CTNNA2: variants seen among roughly 807,000 people sequenced by gnomAD.
CTNNA2 encodes catenin alpha 2.
In CTNNA2, 42 loss-of-function variants were observed where a neutral mutation model predicts 101.0. The observed-to-expected ratio is 0.42, with a 90% CI of 0.32 to 0.54. CTNNA2 has a LOEUF of 0.54. Among genes scored for constraint, CTNNA2 ranks in the 20% least tolerant of loss-of-function variants. CTNNA2 has a pLI of 0.14. For synonymous variants in CTNNA2, 450 were observed against 456.4 expected (o/e 0.99, Z 0.18); for missense variants, 871 against 1,223.1 (o/e 0.71, Z 4.29).
chr2:80,640,229 C>G (rs1673321565), intron 18 of CTNNA2, among the ~76,000 whole-genome samples: 1 of 152,154 alleles, frequency 6.6e-6, no homozygotes, highest in South Asian at 2.1e-4. Context: ...TAAACAGAAT[C>G]AAGTTTTTTT....
chr2:80,483,399 T>C (rs1686302588), intron 9 of CTNNA2, among the ~76,000 whole-genome samples: 1 of 149,532 alleles, frequency 6.7e-6, no homozygotes, highest in Admixed American at 6.7e-5. Context: ...TACATATGTA[T>C]ATATTTAATA....
At chr2:79,882,339 C>T (rs535992075) in intron 6 of CTNNA2, among the ~76,000 whole-genome samples, 3 of 152,298 alleles carry the variant, frequency 2.0e-5, no homozygotes, top group Admixed American at 1.3e-4. Flanking sequence ...ACCACAGACA[C>T]TGTGGCCACC....
chr2:79,253,556 C>G (rs1393783328), intron 2 of CTNNA2, among the ~76,000 whole-genome samples: 1 of 152,100 alleles, frequency 6.6e-6, no homozygotes, highest in Non-Finnish European at 1.5e-5. Flanking sequence ...TGCCAGGAAC[C>G]CCAAATCGGT....
intron 1 of CTNNA2, among the ~76,000 whole-genome samples, chr2:79,637,997 C>G (rs1680192480): frequency 6.6e-6 from 1 of 152,182 alleles, no homozygotes; most frequent in African/African-American, 2.4e-5. Context: ...TGTGTTAGTG[C>G]CTTCCTCCAT....
intron 3 of CTNNA2, among the ~76,000 whole-genome samples, chr2:79,320,260 ATTTTTTTT>A: frequency 8.3e-6 from 1 of 119,782 alleles, no homozygotes; most frequent in African/African-American, 3.2e-5. Flanking sequence ...TTACGTTTCA[ATTTTTTTT>A]TTTTTTTTTT....
chr2:79,284,696 A>C (rs1675507932), intron 2 of CTNNA2, among the ~76,000 whole-genome samples: 1 of 150,792 alleles, frequency 6.6e-6, no homozygotes, highest in Non-Finnish European at 1.5e-5. Context: ...ATCAATGTTC[A>C]TCAAGGATAT....
chr2:79,290,918 C>T (rs1236279753), intron 2 of CTNNA2, among the ~76,000 whole-genome samples: 2 of 152,318 alleles, frequency 1.3e-5, no homozygotes, highest in South Asian at 2.1e-4. Flanking sequence ...CGCTGACTAA[C>T]GCAAGCTGCC....
In CTNNA2 at chr2:79,744,442, G is replaced by A. The variant is rs1671497463; in HGVS notation, c.158G>A (p.Arg53Lys). The A allele has an allele frequency of 6.2e-7, 1 of 1,613,876 alleles. No homozygotes were observed. Among genetic ancestry groups the A allele is most frequent in the African/African-American group, 1.3e-5 (1 of 74,890 alleles). Residue 53 changes from arginine to lysine, a missense_variant, in exon 3 of 19, where the codon AGG (arginine) becomes AAG (lysine). By Grantham distance (26) the Arg-to-Lys change is conservative. Coordinates refer to ENST00000402739, the MANE Select transcript of CTNNA2 (RefSeq NM_001282597.3). The stretch of plus-strand genomic sequence containing the variant: ...GGCCCATCTGGTAAAAAGAAAGGGA[G>A]GTCAAAGAAAGCCCATGTACTAGCT... The part of the protein sequence containing the change: ...NKGPSGKKKG[R>K]SKKAHVLAAS...
At chr2:79,193,111 T>C (rs1558569082) in intron 1 of CTNNA2, among the ~76,000 whole-genome samples, 1 of 152,188 alleles carries the variant, frequency 6.6e-6, no homozygotes, top group Non-Finnish European at 1.5e-5. Context: ...ATATTATATA[T>C]TCTTCTGTAA....
intron 2 of CTNNA2, among the ~76,000 whole-genome samples, chr2:79,307,000 C>CT (rs1676263090): frequency 6.6e-6 from 1 of 152,174 alleles, no homozygotes; most frequent in Non-Finnish European, 1.5e-5. Context: ...ATAAGATATA[C>CT]TCTAGATATT....
intron 1 of CTNNA2, among the ~76,000 whole-genome samples, chr2:79,603,560 T>G (rs1677687161): frequency 1.4e-5 from 2 of 138,752 alleles, no homozygotes; most frequent in Non-Finnish European, 3.4e-5. Flanking sequence ...AGCAATCTCA[T>G]AATTTAAAAA....
intron 1 of CTNNA2, among the ~76,000 whole-genome samples, chr2:79,560,972 G>A (rs1351984032): frequency 1.3e-5 from 2 of 151,782 alleles, no homozygotes; most frequent in East Asian, 1.9e-4. Flanking sequence ...CTTTTAAAGT[G>A]TACAATATAG....
chr2:79,978,184 A>C (rs1036496965), intron 7 of CTNNA2, among the ~76,000 whole-genome samples: 1 of 152,184 alleles, frequency 6.6e-6, no homozygotes, highest in Non-Finnish European at 1.5e-5. Flanking sequence ...TTCATTTCAT[A>C]ATAATGATAC....
At chr2:79,776,820 G>A (rs1466002200) in intron 3 of CTNNA2, among the ~76,000 whole-genome samples, 1 of 152,134 alleles carries the variant, frequency 6.6e-6, no homozygotes, top group Non-Finnish European at 1.5e-5. Flanking sequence ...TTAGTTATTT[G>A]AGCCAAACCC....
At chr2:80,151,051 G>A (rs1361854152) in intron 7 of CTNNA2, among the ~76,000 whole-genome samples, 4 of 152,166 alleles carry the variant, frequency 2.6e-5, no homozygotes, top group Admixed American at 2.0e-4. Flanking sequence ...GAAGTAGGCA[G>A]GGGCATTTCT....
intron 4 of CTNNA2, among the ~76,000 whole-genome samples, chr2:79,860,712 G>C (rs1412157266): frequency 6.6e-6 from 1 of 152,086 alleles, no homozygotes; most frequent in East Asian, 1.9e-4. Flanking sequence ...AACAGCTGTG[G>C]TGGAATGTTG....
At chr2:79,253,293 A>C (rs2104275384) in intron 2 of CTNNA2, among the ~76,000 whole-genome samples, 1 of 152,318 alleles carries the variant, frequency 6.6e-6, no homozygotes, top group Non-Finnish European at 1.5e-5. Context: ...TATTTGCTGA[A>C]GTTAATGAGA....
intron 4 of CTNNA2, among the ~76,000 whole-genome samples, chr2:79,428,923 A>C (rs1329000439): frequency 6.6e-6 from 1 of 152,146 alleles, no homozygotes; most frequent in Non-Finnish European, 1.5e-5. Flanking sequence ...CCCAGTGAGA[A>C]GAGGAGCTGA....
chr2:79,273,979 T>G (rs1265653562), intron 2 of CTNNA2, among the ~76,000 whole-genome samples: 35 of 152,054 alleles, frequency 2.3e-4, no homozygotes, highest in Non-Finnish European at 1.5e-5. Flanking sequence ...ACTGCTTCTT[T>G]CTTGTGTATT....
Sources: gnomAD v4.1 joint callset for allele counts (sites outside exome capture counted in the v4.1 genomes callset) on GRCh38, gnomAD v4.1.1 for gene constraint, MANE v1.5 for transcripts, NCBI Gene and HGNC (gene_info 2026-07-23, HGNC 2026-07-21) for gene names.